Variants in ERBB4 observed in about 807,000 individuals in gnomAD.
ERBB4 encodes erb-b2 receptor tyrosine kinase 4.
ERBB4 carries 42 observed loss-of-function variants against 158.0 expected under a neutral mutation model. That is an observed-to-expected ratio of 0.27 (90% CI 0.21 to 0.34). The LOEUF is 0.34. Ranked by LOEUF, ERBB4 falls within the 10% of genes least tolerant of loss-of-function variation. The pLI, the probability that ERBB4 is intolerant of heterozygous loss-of-function variation, is 1.00. For missense variants in ERBB4, 1,333 were observed against 1,624.1 expected, an observed-to-expected ratio of 0.82 and a Z score of 3.08; for synonymous variants, 583 against 558.7, an observed-to-expected ratio of 1.04 and a Z score of -0.61.
intron 1 of ERBB4, chr2:212,125,157 T>G (rs1435057726): frequency 2.1e-6 from 1 of 474,594 alleles, no homozygotes. Flanking sequence ...GGAGATAAAC[T>G]TAATCCCATT....
At chr2:211,519,222 AT>A (rs1437457564) in intron 20 of ERBB4, among the ~76,000 whole-genome samples, 2 of 152,082 alleles carry the variant, frequency 1.3e-5, no homozygotes, top group Admixed American at 6.5e-5. Context: ...CAGTGACTTA[AT>A]TTTTCTTTAT....
intron 3 of ERBB4, among the ~76,000 whole-genome samples, chr2:211,933,971 T>C (rs1026448662): frequency 6.6e-6 from 1 of 152,014 alleles, no homozygotes; most frequent in African/African-American, 2.4e-5. Flanking sequence ...CAACATAAAA[T>C]GTGTTTATCT....
chr2:211,548,341 T>TAA (rs75792174), intron 20 of ERBB4, among the ~76,000 whole-genome samples: 27 of 137,868 alleles, frequency 2.0e-4, no homozygotes, highest in African/African-American at 5.2e-4. Context: ...AAGGGAAGAT[T>TAA]AAAAAAAAAA....
intron 2 of ERBB4, among the ~76,000 whole-genome samples, chr2:211,977,362 A>C (rs1047873507): frequency 6.6e-6 from 1 of 152,040 alleles, no homozygotes; most frequent in African/African-American, 2.4e-5. Context: ...TGTGTATTAC[A>C]TATATTAGGT....
At chr2:211,653,456 T>TA in intron 16 of ERBB4, among the ~76,000 whole-genome samples, 1 of 121,820 alleles carries the variant, frequency 8.2e-6, no homozygotes, top group East Asian at 2.8e-4. Context: ...ATTTAAATCT[T>TA]CCCCCCCGCC....
intron 16 of ERBB4, among the ~76,000 whole-genome samples, chr2:211,639,379 C>T (rs2070484296): frequency 6.6e-6 from 1 of 152,126 alleles, no homozygotes; most frequent in Non-Finnish European, 1.5e-5. Context: ...CTTACAACTT[C>T]AGTTACATTA....
At chr2:211,776,269 C>T (rs963229935) in intron 4 of ERBB4, among the ~76,000 whole-genome samples, 8 of 152,018 alleles carry the variant, frequency 5.3e-5, no homozygotes, top group South Asian at 2.1e-4. Context: ...TTCTTTATGC[C>T]GAGTTCTATT....
intron 1 of ERBB4, among the ~76,000 whole-genome samples, chr2:212,340,929 T>G (rs1333348914): frequency 6.6e-6 from 1 of 152,208 alleles, no homozygotes; most frequent in Non-Finnish European, 1.5e-5. Context: ...TTTTAGATAA[T>G]CACAATTGAT....
At chr2:211,901,359 C>T (rs183293685) in intron 3 of ERBB4, among the ~76,000 whole-genome samples, 91 of 152,278 alleles carry the variant, frequency 6.0e-4, no homozygotes, top group Non-Finnish European at 3.7e-4. Flanking sequence ...TAAGTAGATG[C>T]ATCAGCTCCT....
chr2:211,846,057 T>TTTTG (rs930120913), intron 3 of ERBB4, among the ~76,000 whole-genome samples: 1 of 151,766 alleles, frequency 6.6e-6, no homozygotes, highest in Non-Finnish European at 1.5e-5. Flanking sequence ...TTGTTGTTTT[T>TTTTG]TTTTTTCATT....
chr2:211,899,928 A>G (rs1033339929), intron 3 of ERBB4, among the ~76,000 whole-genome samples: 1 of 152,172 alleles, frequency 6.6e-6, no homozygotes, highest in Non-Finnish European at 1.5e-5. Context: ...ATAAACGGAA[A>G]GGCAAACTTA....
intron 1 of ERBB4, among the ~76,000 whole-genome samples, chr2:212,323,417 A>C (rs2087662643): frequency 6.7e-6 from 1 of 150,364 alleles, no homozygotes; most frequent in South Asian, 2.1e-4. Context: ...GGGAGTTAGG[A>C]AAGGTAGTGT....
At position 211,378,673 on chromosome 2, in the gene ERBB4, C is replaced by G. The variant is rs967455656; in HGVS notation, c.*4942G>C. The stretch of plus-strand genomic sequence containing the variant: ...AATATCAGTAATAATGAGGTCTCCA[C>G]TGATAATGATCTTTTAAAATTATGC... On this transcript the variant is annotated 3_prime_UTR_variant, in exon 28 of 28. Coordinates refer to ENST00000342788, the MANE Select transcript of ERBB4 (RefSeq NM_005235.3). The G allele has an allele frequency of 1.7e-5, 4 of 232,198 alleles. No individual in the cohort carries two copies. Among genetic ancestry groups the G allele is most frequent in the Admixed American group, 5.6e-5 (1 of 17,716 alleles). The allele number at this position is 232,198 out of a possible 1,614,324, so 14.4% of individuals were successfully genotyped here.
intron 19 of ERBB4, among the ~76,000 whole-genome samples, chr2:211,580,692 C>T (rs13007756): frequency 0.9 from 132,499 of 147,346 alleles, 59,734 homozygotes; most frequent in African/African-American, 0.96. Context: ...AAAAAGATAC[C>T]TGCACATGCA....
At chr2:211,814,613 G>A (rs1375749732) in intron 3 of ERBB4, among the ~76,000 whole-genome samples, 1 of 151,906 alleles carries the variant, frequency 6.6e-6, no homozygotes, top group African/African-American at 2.4e-5. Flanking sequence ...AGGCATTTTA[G>A]CGAGACAGAT....
intron 3 of ERBB4, among the ~76,000 whole-genome samples, chr2:211,837,521 C>T (rs2077368066): frequency 1.3e-5 from 2 of 151,962 alleles, no homozygotes; most frequent in East Asian, 1.9e-4. Flanking sequence ...AGATTCTCCT[C>T]GGGAAATATT....
At chr2:212,226,736 T>C (rs1311835845) in intron 1 of ERBB4, among the ~76,000 whole-genome samples, 1 of 151,940 alleles carries the variant, frequency 6.6e-6, no homozygotes, top group African/African-American at 2.4e-5. Context: ...ATCAGTCTTA[T>C]CATATAACTG....
At chr2:212,371,093 TTG>T (rs959219810) in intron 1 of ERBB4, among the ~76,000 whole-genome samples, 3 of 152,282 alleles carry the variant, frequency 2.0e-5, no homozygotes, top group African/African-American at 7.2e-5. Context: ...AGCCTGTTTC[TTG>T]TGTGTACCAT....
intron 1 of ERBB4, among the ~76,000 whole-genome samples, chr2:212,323,843 C>A (rs1455911305): frequency 2.2e-5 from 2 of 92,818 alleles, no homozygotes; most frequent in Non-Finnish European, 5.7e-5. Context: ...TTAATAAAAT[C>A]TCAGAAATCC....
Sources: allele counts gnomAD v4.1 joint callset (sites outside exome capture counted in the v4.1 genomes callset), GRCh38; gene constraint gnomAD v4.1.1; transcripts MANE v1.5; gene names NCBI Gene and HGNC (gene_info 2026-07-23, HGNC 2026-07-21).